Variants in ZNF236 observed in about 807,000 individuals in gnomAD.
The protein encoded by ZNF236 is regulated by glucose.
Under a neutral mutation model 191.2 loss-of-function variants are expected in ZNF236, and 50 were observed. The observed-to-expected ratio is 0.26, with a 90% CI of 0.21 to 0.33. ZNF236 has a LOEUF of 0.33. Ranked by LOEUF, ZNF236 falls within the 10% of genes least tolerant of loss-of-function variation. The probability of loss-of-function intolerance (pLI) is 1.00; values close to 1 mark genes in which losing one functional copy is unlikely to be tolerated. For synonymous variants in ZNF236, 907 were observed against 928.8 expected (o/e 0.98, Z 0.43); for missense variants, 1,754 against 2,374.5 (o/e 0.74, Z 5.43).
chr18:76,828,076 G>A (rs1209168466), intron 1 of ZNF236, among the ~76,000 whole-genome samples: 1 of 152,020 alleles, frequency 6.6e-6, no homozygotes, highest in Non-Finnish European at 1.5e-5. Flanking sequence ...TCCTGATTAG[G>A]TTACCAGTTC....
intron 27 of ZNF236, among the ~76,000 whole-genome samples, chr18:76,952,206 A>G (rs903460318): frequency 2.0e-5 from 3 of 152,222 alleles, no homozygotes; most frequent in African/African-American, 7.2e-5. Flanking sequence ...ATTTGTAAAA[A>G]CGACAGGATA....
intron 9 of ZNF236, among the ~76,000 whole-genome samples, chr18:76,894,026 A>T (rs1977324319): frequency 6.6e-6 from 1 of 152,210 alleles, no homozygotes; most frequent in African/African-American, 2.4e-5. Flanking sequence ...GTGAAATTTC[A>T]TTAATGTGGG....
intron 11 of ZNF236, among the ~76,000 whole-genome samples, chr18:76,901,773 C>T (rs958362923): frequency 2.0e-4 from 30 of 151,958 alleles, no homozygotes; most frequent in African/African-American, 7.0e-4. Flanking sequence ...AAAAAAAAGT[C>T]TGATAATTTA....
intron 11 of ZNF236, among the ~76,000 whole-genome samples, chr18:76,900,758 A>T (rs1169924145): frequency 3.9e-5 from 6 of 152,232 alleles, no homozygotes. Flanking sequence ...TATTTAACTA[A>T]AAAAACTAGG....
chr18:76,922,354 A>G (rs1406919294), intron 20 of ZNF236, among the ~76,000 whole-genome samples: 1 of 152,216 alleles, frequency 6.6e-6, no homozygotes, highest in Non-Finnish European at 1.5e-5. Flanking sequence ...AGCTGCAGCC[A>G]ACAGGATGGG....
Position 76,913,869 on chromosome 18 carries a change from T to C in ZNF236, c.3032T>C (p.Val1011Ala). 6.2e-7 allele frequency: 1 copy of C among 1,614,132 alleles called. No homozygotes were observed. Among genetic ancestry groups the C allele is most frequent in the Non-Finnish European group, 8.5e-7 (1 of 1,180,014 alleles). ...LCGRGFVSSG[V>A]LKSHEKTHTG... ...GGACGCGGCTTTGTTTCCTCTGGGG[T>C]CCTCAAGTCCCACGAGAAGACACAC... The change falls in exon 18 of 31, where the codon GTC (valine) becomes GCC (alanine). Residue 1011 changes from valine (V) to alanine (A), a missense_variant. By Grantham distance (64) the Val-to-Ala change is moderately conservative. Coordinates refer to ENST00000320610, the MANE Select transcript of ZNF236 (RefSeq NM_001306089.2).
chr18:76,868,918 G>A (rs1976504795), intron 4 of ZNF236, 55 bp downstream of exon 4: 1 of 1,502,100 alleles, frequency 6.7e-7, no homozygotes. Flanking sequence ...TTAAAAGCTG[G>A]CGCACTTTGG....
intron 30 of ZNF236, among the ~76,000 whole-genome samples, chr18:76,963,736 T>C (rs940691647): frequency 6.6e-6 from 1 of 152,224 alleles, no homozygotes; most frequent in Admixed American, 6.5e-5. Context: ...TTTAAATTAC[T>C]ATTTCAATCT....
chr18:76,879,794 T>C (rs1976825243), intron 7 of ZNF236, among the ~76,000 whole-genome samples: 1 of 152,216 alleles, frequency 6.6e-6, no homozygotes, highest in African/African-American at 2.4e-5. Context: ...TAACTTGATA[T>C]TTTAAAAATT....
intron 17 of ZNF236, 77 bp downstream of exon 17, chr18:76,912,424 A>G: frequency 1.0e-6 from 1 of 1,001,082 alleles, no homozygotes; most frequent in Non-Finnish European, 1.5e-6. Context: ...GCCCCGCTCC[A>G]AGGGCTCTGC....
Position 76,927,567 on chromosome 18 carries a change from T to C in ZNF236, c.4414+50T>C. On this transcript the variant is annotated intron_variant, in intron 24 of 30. Transcript: ENST00000320610. This position sits in a 1 kb window ranked among gnomAD's most constrained non-coding sequence, Gnocchi z 5.4. ...TTTTGACAGCTGGAGTTTCAGTTTC[T>C]TGCTTGTGATTACATATTTGAATTT... is the stretch of plus-strand genomic sequence containing the variant. 2 of 1,574,168 alleles carry C rather than the reference T, an allele frequency of 1.3e-6. No homozygotes were observed. Among genetic ancestry groups the C allele is most frequent in the South Asian group, 1.2e-5 (1 of 85,478 alleles).
chr18:76,825,349 A>T (rs1487164586), intron 1 of ZNF236, among the ~76,000 whole-genome samples: 1 of 152,218 alleles, frequency 6.6e-6, no homozygotes, highest in African/African-American at 2.4e-5. Flanking sequence ...GGTAAATATC[A>T]TAGACTAAGA....
chr18:76,850,613 GT>G (rs1379165080), intron 2 of ZNF236, among the ~76,000 whole-genome samples: 15 of 147,498 alleles, frequency 1.0e-4, no homozygotes, highest in African/African-American at 2.5e-4. Context: ...AAGTGTTTTT[GT>G]TTTTTTTTTG....
At chr18:76,828,635 T>C (rs79254603) in intron 1 of ZNF236, among the ~76,000 whole-genome samples, 1 of 152,196 alleles carries the variant, frequency 6.6e-6, no homozygotes, top group Admixed American at 6.5e-5. Context: ...CTCTCCATAA[T>C]TGAACTTTTT....
At position 76,881,289 on chromosome 18, in the gene ZNF236, C is replaced by T. The variant is rs781607784; in HGVS notation, c.1194C>T (p.Ala398=). 6.2e-7 allele frequency: 1 copy of T among 1,613,718 alleles called. No individual in the cohort carries two copies. The highest frequency in any genetic ancestry group is 1.1e-5 in the South Asian group (1 of 90,968). ...VGINQDILQQ[A]LENSGLSSIP... ...TTAGTTTTGTTCTGTCTTAGCAAGCCTTAGAAAACAGTGGGCTGTCTTCAA... is the reference window on the plus strand; with the variant it reads ...TTAGTTTTGTTCTGTCTTAGCAAGCTTTAGAAAACAGTGGGCTGTCTTCAA... Residue 398 remains alanine (A), a synonymous_variant, in exon 9 of 31, where the codon GCC becomes GCT. Coordinates refer to ENST00000320610, the MANE Select transcript of ZNF236 (RefSeq NM_001306089.2).
chr18:76,840,211 C>A (rs1402871299), intron 1 of ZNF236, among the ~76,000 whole-genome samples: 1 of 152,086 alleles, frequency 6.6e-6, no homozygotes, highest in African/African-American at 2.4e-5. Context: ...ATGAGGGAGA[C>A]CGGCCGGGTG....
intron 10 of ZNF236, 90 bp downstream of exon 10, chr18:76,895,375 C>T: frequency 4.0e-6 from 6 of 1,514,358 alleles, no homozygotes; most frequent in African/African-American, 1.4e-5. Flanking sequence ...GTATGGCACA[C>T]AGTAGGCACA....
At chr18:76,965,620 T>A (rs1471444386) in intron 30 of ZNF236, among the ~76,000 whole-genome samples, 1 of 152,370 alleles carries the variant, frequency 6.6e-6, no homozygotes, top group East Asian at 1.9e-4. Context: ...TGGCTGTGGC[T>A]CCCTGAGAAC....
chr18:76,895,359 A>C, intron 10 of ZNF236, 74 bp downstream of exon 10: 2 of 1,560,946 alleles, frequency 1.3e-6, no homozygotes, highest in Non-Finnish European at 1.7e-6. Context: ...CATATACCAA[A>C]CACAGGTATG....
Sources: allele counts gnomAD v4.1 joint callset (sites outside exome capture counted in the v4.1 genomes callset), GRCh38; gene constraint gnomAD v4.1.1; non-coding constraint Gnocchi (gnomAD v3.1); transcripts MANE v1.5; gene names NCBI Gene and HGNC (gene_info 2026-07-23, HGNC 2026-07-21).